Variants in EXOC6B observed in about 807,000 individuals in gnomAD.
EXOC6B encodes exocyst complex component 6B.
In EXOC6B, 54 loss-of-function variants were observed where a neutral mutation model predicts 113.5. The ratio of observed to expected loss-of-function variants is 0.48; its 90% CI spans 0.38 to 0.60. EXOC6B has a LOEUF of 0.60. EXOC6B is among the 20% of genes least tolerant of loss of function. The probability of loss-of-function intolerance (pLI) is 0.00; values close to 1 mark genes in which losing one functional copy is unlikely to be tolerated. For synonymous variants in EXOC6B, 357 were observed against 339.0 expected (o/e 1.05, Z -0.58); for missense variants, 797 against 977.5 (o/e 0.82, Z 2.46).
intron 20 of EXOC6B, among the ~76,000 whole-genome samples, chr2:72,241,586 G>C (rs1338653541): frequency 1.3e-5 from 2 of 151,854 alleles, no homozygotes; most frequent in African/African-American, 2.4e-5. Flanking sequence ...CAAAGGCAAA[G>C]AAAAAAATCT....
chr2:72,668,729 C>G (rs1283581123), intron 6 of EXOC6B, among the ~76,000 whole-genome samples: 1 of 152,048 alleles, frequency 6.6e-6, no homozygotes, highest in Non-Finnish European at 1.5e-5. Flanking sequence ...ATACGCACAG[C>G]CATAAAGATT....
At chr2:72,179,592 A>T (rs1677959245) in intron 21 of EXOC6B, 131 bp from the exon 22 acceptor site, 2 of 1,050,556 alleles carry the variant, frequency 1.9e-6, no homozygotes, top group Non-Finnish European at 2.8e-6. Context: ...GAATATCTCC[A>T]CTGTCAGGCC....
chr2:72,640,383 A>G (rs1490577849), intron 6 of EXOC6B, among the ~76,000 whole-genome samples: 1 of 152,212 alleles, frequency 6.6e-6, no homozygotes, highest in African/African-American at 2.4e-5. Flanking sequence ...GACCAAATCT[A>G]CAACTCTTTG....
intron 6 of EXOC6B, among the ~76,000 whole-genome samples, chr2:72,583,690 A>G (rs1159335280): frequency 6.6e-6 from 1 of 151,856 alleles, no homozygotes; most frequent in Non-Finnish European, 1.5e-5. Flanking sequence ...CTACCTTAAA[A>G]AAGACCCTTA....
intron 18 of EXOC6B, among the ~76,000 whole-genome samples, chr2:72,383,479 TA>T (rs537356196): frequency 1.5e-4 from 22 of 149,326 alleles, no homozygotes; most frequent in South Asian, 4.3e-4. Flanking sequence ...TGGCTATTAT[TA>T]AAAAAAAAAT....
intron 6 of EXOC6B, among the ~76,000 whole-genome samples, chr2:72,663,288 A>G (rs549062752): frequency 1.3e-5 from 2 of 152,334 alleles, no homozygotes; most frequent in Middle Eastern, 3.4e-3. Flanking sequence ...AAGTGTACAT[A>G]TGTATAATAT....
rs1467109234 is a variant in EXOC6B at position 72,493,632 on chromosome 2, A to G, written c.1554-1203T>C. On this transcript the variant is annotated intron_variant, in intron 15 of 21. Coordinates refer to ENST00000272427, the MANE Select transcript of EXOC6B (RefSeq NM_015189.3). ...CGCGTATGTATGTGGGTGTGTATATATTCTATTTTTTTAAGATGAGTATGA... is the reference window on the plus strand; with the variant it reads ...CGCGTATGTATGTGGGTGTGTATATGTTCTATTTTTTTAAGATGAGTATGA... 6.6e-5 allele frequency among the ~76,000 whole-genome samples: 10 copies of G among 152,028 alleles called. No homozygotes were observed. The South Asian group carries it at 8.3e-4, about 13-fold the overall frequency.
At chr2:72,331,169 G>A (rs1280740691) in intron 20 of EXOC6B, among the ~76,000 whole-genome samples, 1 of 152,060 alleles carries the variant, frequency 6.6e-6, no homozygotes, top group Non-Finnish European at 1.5e-5. Context: ...TTATCACAGT[G>A]TGCCTTATAT....
At chr2:72,478,070 A>G (rs1033059268) in intron 17 of EXOC6B, among the ~76,000 whole-genome samples, 1 of 152,058 alleles carries the variant, frequency 6.6e-6, no homozygotes, top group Admixed American at 6.5e-5. Context: ...GAATACATCT[A>G]ATGTATTATT....
chr2:72,198,594 A>G lies in EXOC6B; in HGVS notation c.2197-14407T>C, dbSNP rs549811058. ...TACAAAGTAAGTAGTAAGTACAAAG[A>G]AAGTAGTAAATAGCAGGCCTTAGAT... On this transcript the variant is annotated intron_variant, in intron 20 of 21. Coordinates refer to ENST00000272427, the MANE Select transcript of EXOC6B (RefSeq NM_015189.3). Among the ~76,000 whole-genome samples the G allele has an allele frequency of 1.1e-4, 17 of 152,314 alleles. No individual in the cohort carries two copies. The East Asian group carries it at 2.9e-3, about 26-fold the overall frequency.
chr2:72,657,567 C>CTTTTTTTTTTTTT lies in EXOC6B; in HGVS notation c.669+60523_669+60535dup, dbSNP rs70963136. Among the ~76,000 whole-genome samples the CTTTTTTTTTTTTT allele has an allele frequency of 2.4e-3, 123 of 50,378 alleles. 4 individuals are homozygous for CTTTTTTTTTTTTT. Among genetic ancestry groups the CTTTTTTTTTTTTT allele is most frequent in the East Asian group, 5.1e-3 (8 of 1,572 alleles). The allele number at this position is 50,378 out of a possible 152,430, so 33.0% of individuals were successfully genotyped here. On this transcript the variant is annotated intron_variant, in intron 6 of 21. Transcript: ENST00000272427. ...TATTAGGTCTTTCCTCTTTCCTTTT[C>CTTTTTTTTTTTTT]TTTTTTTTTTTTTTTTTTTTTTTTT...
chr2:72,324,012 TA>T (rs1000973637), intron 20 of EXOC6B, among the ~76,000 whole-genome samples: 2 of 148,096 alleles, frequency 1.4e-5, no homozygotes, highest in East Asian at 2.0e-4. Context: ...AAGCAGGATT[TA>T]AAAAAAAAGT....
intron 6 of EXOC6B, among the ~76,000 whole-genome samples, chr2:72,638,445 T>C (rs1262750566): frequency 6.6e-6 from 1 of 151,580 alleles, no homozygotes; most frequent in Non-Finnish European, 1.5e-5. Flanking sequence ...AGACAACTGG[T>C]ATAATCCAAA....
chr2:72,214,210 G>A (rs1022917882), intron 20 of EXOC6B, among the ~76,000 whole-genome samples: 2 of 124,118 alleles, frequency 1.6e-5, no homozygotes, highest in African/African-American at 2.6e-5. Context: ...CTTATCGGCC[G>A]TGCACGGTGG....
intron 19 of EXOC6B, among the ~76,000 whole-genome samples, chr2:72,373,871 C>A (rs1213793552): frequency 6.6e-6 from 1 of 152,120 alleles, no homozygotes; most frequent in Admixed American, 6.5e-5. Flanking sequence ...CGCCTATAAT[C>A]CCAATACTTT....
At chr2:72,589,342 A>G (rs1001179363) in intron 6 of EXOC6B, among the ~76,000 whole-genome samples, 2 of 152,040 alleles carry the variant, frequency 1.3e-5, no homozygotes, top group African/African-American at 2.4e-5. Flanking sequence ...TAACTCTTTA[A>G]TAATTAATAC....
chr2:72,297,536 G>A (rs919154121), intron 20 of EXOC6B, among the ~76,000 whole-genome samples: 14 of 151,864 alleles, frequency 9.2e-5, no homozygotes, highest in South Asian at 2.1e-4. Context: ...GTTATTTCTC[G>A]CCTTCTGCTA....
At chr2:72,216,862 G>A (rs546363020) in intron 20 of EXOC6B, among the ~76,000 whole-genome samples, 3 of 152,056 alleles carry the variant, frequency 2.0e-5, no homozygotes, top group African/African-American at 7.2e-5. Flanking sequence ...GAGAACACAT[G>A]GACACAGGGA....
chr2:72,203,243 A>C (rs1679603567), intron 20 of EXOC6B, among the ~76,000 whole-genome samples: 1 of 152,190 alleles, frequency 6.6e-6, no homozygotes, highest in Non-Finnish European at 1.5e-5. Flanking sequence ...AACCTTAAGA[A>C]GTCCTTTTCA....
Sources: allele counts gnomAD v4.1 joint callset (sites outside exome capture counted in the v4.1 genomes callset), GRCh38; gene constraint gnomAD v4.1.1; transcripts MANE v1.5; gene names NCBI Gene and HGNC (gene_info 2026-07-23, HGNC 2026-07-21).